Variants in FCAR observed in about 807,000 individuals in gnomAD.
The protein encoded by FCAR is immunoglobulin alpha Fc receptor.
FCAR carries 21 observed loss-of-function variants against 27.1 expected under a neutral mutation model. The ratio of observed to expected loss-of-function variants is 0.77; its 90% CI spans 0.55 to 1.11. The LOEUF (loss-of-function observed/expected upper bound fraction) is 1.11. Among genes scored for constraint, FCAR ranks in the 50% most tolerant of loss-of-function variants. The probability of loss-of-function intolerance (pLI) is 0.00; values close to 1 mark genes in which losing one functional copy is unlikely to be tolerated. For synonymous variants in FCAR, 134 were observed against 135.8 expected (o/e 0.99, Z 0.09); for missense variants, 404 against 358.4 (o/e 1.13, Z -1.03).
intron 3 of FCAR, among the ~76,000 whole-genome samples, chr19:54,886,564 C>T (rs2066743811): frequency 6.6e-6 from 1 of 151,982 alleles, no homozygotes; most frequent in African/African-American, 2.4e-5. Context: ...GCCTGGCCTC[C>T]CAAAGTGCTG....
chr19:54,881,981 G>C (rs946263238), intron 2 of FCAR, among the ~76,000 whole-genome samples: 1 of 152,178 alleles, frequency 6.6e-6, no homozygotes, highest in Non-Finnish European at 1.5e-5. Context: ...CCCAGATCAC[G>C]GGCAGCAGAG....
intron 2 of FCAR, among the ~76,000 whole-genome samples, chr19:54,877,916 A>ATTTTTT (rs757104692): frequency 6.3e-5 from 9 of 143,464 alleles, no homozygotes; most frequent in South Asian, 2.2e-4. Flanking sequence ...TTTGCTAAGG[A>ATTTTTT]TTGTTTTTTT....
intron 2 of FCAR, among the ~76,000 whole-genome samples, chr19:54,881,894 A>G (rs2066440687): frequency 2.5e-5 from 1 of 39,292 alleles, no homozygotes; most frequent in Non-Finnish European, 5.0e-5. Context: ...TAAATAAATA[A>G]ATAAATAAAT....
intron 1 of FCAR, 141 bp from the exon 2 acceptor site, chr19:54,875,189 C>T (rs116065396): frequency 0.033 from 21,308 of 637,780 alleles, 609 homozygotes; most frequent in East Asian, 0.088. Context: ...AAAAAAATGC[C>T]AGCTCTTCTT....
intron 3 of FCAR, 62 bp downstream of exon 3, chr19:54,885,587 T>C (rs1601940382): frequency 3.9e-6 from 5 of 1,298,058 alleles, no homozygotes; most frequent in Non-Finnish European, 5.3e-6. Flanking sequence ...TAATAGAGTA[T>C]TTTTCAAGAA....
At chr19:54,888,410 T>G in intron 4 of FCAR, 116 bp downstream of exon 4, 2 of 1,484,114 alleles carry the variant, frequency 1.3e-6, no homozygotes, top group African/African-American at 1.4e-5. Context: ...AGGCTCTCAC[T>G]CCAGGACAGT....
chr19:54,888,416 A>G lies in FCAR; in HGVS notation c.649+122A>G, dbSNP rs888710849. The G allele has an allele frequency of 2.4e-5, 36 of 1,470,168 alleles. No homozygotes were observed. The African/African-American group carries it at 3.5e-4, about 14-fold the overall frequency. 91.1% of individuals were successfully genotyped at this position (1,470,168 alleles called of 1,614,324 possible). ...GAGAGGCAAAGGCTCTCACTCCAGG[A>G]CAGTGGAGAGAGAAAGGCTTCCCCA... On this transcript the variant is annotated intron_variant, in intron 4 of 4. Transcript: ENST00000355524.
At chr19:54,878,011 G>A (rs1016312919) in intron 2 of FCAR, among the ~76,000 whole-genome samples, 7 of 150,960 alleles carry the variant, frequency 4.6e-5, no homozygotes, top group Non-Finnish European at 8.8e-5. Flanking sequence ...CGCCTCCCAG[G>A]TTCACACCAT....
intron 2 of FCAR, among the ~76,000 whole-genome samples, chr19:54,881,415 G>T (rs1422639888): frequency 6.6e-6 from 1 of 151,978 alleles, no homozygotes; most frequent in Non-Finnish European, 1.5e-5. Flanking sequence ...TGGGAGCTCC[G>T]CCACAGAGAA....
At chr19:54,882,071 A>G (rs2066453620) in intron 2 of FCAR, among the ~76,000 whole-genome samples, 1 of 152,150 alleles carries the variant, frequency 6.6e-6, no homozygotes, top group African/African-American at 2.4e-5. Flanking sequence ...ACGAGCCACC[A>G]CCAGTGAGTG....
chr19:54,890,137 A>C lies in FCAR; in HGVS notation c.*274A>C, dbSNP rs1314894278. On this transcript the variant is annotated 3_prime_UTR_variant, in exon 5 of 5. Transcript: ENST00000355524. ...CCCAGCTAATTTTTGTATTTTTAGT[A>C]GAGATGGGGTTTCACTGTGTTGGCC... The C allele has an allele frequency of 2.1e-6, 1 of 475,876 alleles. No homozygotes were observed. Among genetic ancestry groups the C allele is most frequent in the African/African-American group, 2.0e-5 (1 of 51,046 alleles). The allele number at this position is 475,876 out of a possible 1,614,324, so 29.5% of individuals were successfully genotyped here.
chr19:54,884,579 G>C (rs2066598007), intron 2 of FCAR, among the ~76,000 whole-genome samples: 1 of 151,730 alleles, frequency 6.6e-6, no homozygotes, highest in Non-Finnish European at 1.5e-5. Flanking sequence ...AGCTGAGATT[G>C]CACCACTGCA....
Position 54,885,221 on chromosome 19 carries a change from T to C in FCAR, c.71-14T>C. 1 of 1,607,742 alleles carries C rather than the reference T, an allele frequency of 6.2e-7. No homozygotes were observed. The highest frequency in any genetic ancestry group is 8.5e-7 in the Non-Finnish European group (1 of 1,175,804). ...ATGGCAAGCCACCTCAGTCTGGGCT[T>C]TCTTTTCTTCCAGGGGACTTTCCCA... is the stretch of plus-strand genomic sequence containing the variant. On this transcript the variant is annotated splice_polypyrimidine_tract_variant and intron_variant, in intron 2 of 4. Transcript: ENST00000355524.
At chr19:54,875,161 A>T (rs147967600) in intron 1 of FCAR, among the ~76,000 whole-genome samples, 169 bp from the exon 2 acceptor site, 1 of 149,266 alleles carries the variant, frequency 6.7e-6, no homozygotes, top group African/African-American at 2.5e-5. Flanking sequence ...ACACAGCGAG[A>T]CTCTGTCTCA....
At chr19:54,883,206 G>A (rs1049678731) in intron 2 of FCAR, among the ~76,000 whole-genome samples, 2 of 147,872 alleles carry the variant, frequency 1.4e-5, no homozygotes, top group African/African-American at 5.0e-5. Context: ...TTGTAGAGAT[G>A]GGGTTTCACC....
chr19:54,875,253 G>A (rs2066028131), intron 1 of FCAR, 77 bp from the exon 2 acceptor site: 1 of 1,237,936 alleles, frequency 8.1e-7, no homozygotes, highest in Non-Finnish European at 1.2e-6. Flanking sequence ...TCTTTTTCTG[G>A]TCTGTCATTA....
chr19:54,877,801 T>G (rs2066177815), intron 2 of FCAR, among the ~76,000 whole-genome samples: 1 of 152,186 alleles, frequency 6.6e-6, no homozygotes, highest in Non-Finnish European at 1.5e-5. Flanking sequence ...ACCCAAAAAT[T>G]CCAGAACAGA....
rs1372342313 is a variant in FCAR at position 54,890,471 on chromosome 19, A to C, written c.*608A>C. The C allele has an allele frequency of 6.6e-6, 1 of 151,588 alleles. No individual in the cohort carries two copies. Among genetic ancestry groups the C allele is most frequent in the Non-Finnish European group, 1.5e-5 (1 of 67,978 alleles). The allele number at this position is 151,588 out of a possible 1,614,324, so 9.4% of individuals were successfully genotyped here. ...GAGACAGAGTCTCACTCTGTTGCCC[A>C]GGCTGGAGTGCAGTGGCACGATCTC... is the stretch of plus-strand genomic sequence containing the variant. On this transcript the variant is annotated 3_prime_UTR_variant, in exon 5 of 5. Coordinates refer to ENST00000355524, the MANE Select transcript of FCAR (RefSeq NM_002000.4).
At chr19:54,875,576 C>T in intron 2 of FCAR, among the ~76,000 whole-genome samples, 1 of 152,200 alleles carries the variant, frequency 6.6e-6, no homozygotes, top group Non-Finnish European at 1.5e-5. Context: ...ATAGTTAGTC[C>T]TTGCCTGTGT....
Sources: gnomAD v4.1 joint callset for allele counts (sites outside exome capture counted in the v4.1 genomes callset) on GRCh38, gnomAD v4.1.1 for gene constraint, MANE v1.5 for transcripts, NCBI Gene and HGNC (gene_info 2026-07-23, HGNC 2026-07-21) for gene names.